The following ADAMTS12 variants were observed in gnomAD, a reference collection of about 807,000 sequenced individuals.
ADAMTS12 encodes the protein A disintegrin and metalloproteinase with thrombospondin motifs 12.
A neutral mutation model predicts 167.8 loss-of-function variants in ADAMTS12; 118 were observed. That is an observed-to-expected ratio of 0.70 (90% CI 0.61 to 0.82). The LOEUF (loss-of-function observed/expected upper bound fraction) is 0.82, where lower values mean the gene tolerates loss of function less well. Among genes scored for constraint, ADAMTS12 ranks in the 40% least tolerant of loss-of-function variants. The pLI, the probability that ADAMTS12 is intolerant of heterozygous loss-of-function variation, is 0.00. For synonymous variants in ADAMTS12, 704 were observed against 716.9 expected (o/e 0.98, Z 0.29); for missense variants, 1,916 against 1,998.8 (o/e 0.96, Z 0.79).
At chr5:33,681,474 CATTT>C (rs1222046807) in intron 5 of ADAMTS12, among the ~76,000 whole-genome samples, 2 of 152,184 alleles carry the variant, frequency 1.3e-5, no homozygotes, top group African/African-American at 4.8e-5. Flanking sequence ...TTCATTCATT[CATTT>C]GTGTCCCAGG....
intron 19 of ADAMTS12, 73 bp downstream of exon 19, chr5:33,575,980 GA>G (rs1430466060): frequency 3.5e-5 from 53 of 1,523,506 alleles, no homozygotes; most frequent in Non-Finnish European, 4.0e-5. Context: ...AACTCATTTT[GA>G]AATTTTCACA....
At chr5:33,530,279 C>T (rs915781851) in intron 23 of ADAMTS12, among the ~76,000 whole-genome samples, 1 of 152,092 alleles carries the variant, frequency 6.6e-6, no homozygotes, top group Non-Finnish European at 1.5e-5. Context: ...TCAGAGAGTA[C>T]ATGTTTTGAC....
intron 16 of ADAMTS12, among the ~76,000 whole-genome samples, chr5:33,611,203 T>C (rs890128736): frequency 2.0e-5 from 3 of 152,328 alleles, no homozygotes; most frequent in African/African-American, 7.2e-5. Context: ...TGTGTATGGC[T>C]ATACATATGC....
chr5:33,779,184 A>ATTTTTTTTTTTTTTT (rs58073487), intron 2 of ADAMTS12, among the ~76,000 whole-genome samples: 1 of 135,498 alleles, frequency 7.4e-6, no homozygotes, highest in African/African-American at 2.7e-5. Flanking sequence ...TGAAATTAGT[A>ATTTTTTTTTTTTTTT]TTTTTTTTTT....
At chr5:33,873,516 A>G (rs1347915609) in intron 2 of ADAMTS12, among the ~76,000 whole-genome samples, 1 of 152,200 alleles carries the variant, frequency 6.6e-6, no homozygotes, top group Admixed American at 6.5e-5. Flanking sequence ...GACTTAATGC[A>G]ATCCCAACCA....
rs910007594 is a variant in ADAMTS12, at chr5:33,810,643, G to A, written c.490-59095C>T. On this transcript the variant is annotated intron_variant, in intron 2 of 23. Transcript: ENST00000504830. ...GATTCTCATGTGAATCCCTGGGATA[G>A]CTGAGAGCCCTAAGAGTTCTGTGAG... Among the ~76,000 whole-genome samples, 12 of 152,286 alleles carry A rather than the reference G, an allele frequency of 7.9e-5. 1 individual carries two copies. The highest frequency in any genetic ancestry group is 1.9e-4 in the East Asian group (1 of 5,178).
chr5:33,749,743 T>C (rs529403760), intron 3 of ADAMTS12, among the ~76,000 whole-genome samples: 5 of 152,206 alleles, frequency 3.3e-5, no homozygotes, highest in Non-Finnish European at 7.4e-5. Flanking sequence ...GTGTTGCATA[T>C]GCCCTAATAG....
chr5:33,826,747 A>G (rs979077672), intron 2 of ADAMTS12, among the ~76,000 whole-genome samples: 3 of 152,154 alleles, frequency 2.0e-5, no homozygotes, highest in Non-Finnish European at 4.4e-5. Flanking sequence ...AACAAGTACC[A>G]AATAAACAAT....
chr5:33,655,102 G>A (rs1741005378), intron 7 of ADAMTS12, among the ~76,000 whole-genome samples: 1 of 151,872 alleles, frequency 6.6e-6, no homozygotes, highest in Admixed American at 6.6e-5. Context: ...CTTAGTAGAC[G>A]GCATATGGAA....
intron 2 of ADAMTS12, among the ~76,000 whole-genome samples, chr5:33,789,143 G>A (rs987081302): frequency 1.3e-5 from 2 of 151,754 alleles, no homozygotes; most frequent in African/African-American, 4.9e-5. Flanking sequence ...CATAGGCTGT[G>A]GACATTGTGT....
Position 33,576,635 on chromosome 5 carries a change from AT to A in ADAMTS12, c.3390del (p.Ser1131LeufsTer10). On this transcript the variant is annotated frameshift_variant, in exon 19 of 24. Coordinates refer to ENST00000504830, the MANE Select transcript of ADAMTS12 (RefSeq NM_030955.4). LOFTEE classifies it high-confidence loss of function. ...VATTTSGSGL[S>X]SSRNPITWPV... ...GGCCAAGTGATAGGGTTGCGGGAAG[AT>A]GACAAGCCAGAACCACTTGTTGTTG... 1 of 1,614,232 alleles carries A rather than the reference AT, an allele frequency of 6.2e-7. No individual in the cohort carries two copies. Among genetic ancestry groups the A allele is most frequent in the South Asian group, 1.1e-5 (1 of 91,084 alleles).
chr5:33,555,229 A>C (rs1009226162), intron 20 of ADAMTS12, among the ~76,000 whole-genome samples: 2 of 152,080 alleles, frequency 1.3e-5, no homozygotes, highest in Middle Eastern at 3.2e-3. Context: ...CTTCCATCAG[A>C]AGAATCACTT....
chr5:33,882,271 G>A (rs942319789), intron 1 of ADAMTS12, among the ~76,000 whole-genome samples: 1 of 152,212 alleles, frequency 6.6e-6, no homozygotes, highest in Admixed American at 6.5e-5. Flanking sequence ...TACAGCATAA[G>A]AGTGTTCCAT....
At chr5:33,803,798 A>T (rs1441656302) in intron 2 of ADAMTS12, among the ~76,000 whole-genome samples, 1 of 152,128 alleles carries the variant, frequency 6.6e-6, no homozygotes, top group African/African-American at 2.4e-5. Context: ...AAAACCATCA[A>T]ATCTCATGAG....
Position 33,576,830 on chromosome 5 carries a change from G to A in ADAMTS12, c.3196C>T (p.Gln1066Ter). The A allele has an allele frequency of 6.2e-7, 1 of 1,614,182 alleles. No homozygotes were observed. Among genetic ancestry groups the A allele is most frequent in the Admixed American group, 1.7e-5 (1 of 60,002 alleles). ...ASKEGDLGGK[Q>*]WQDSSTQPEL... ...GGTTGGGTTGAGCTATCTTGCCACT[G>A]TTTCCCACCCAGGTCTCCTTCTTTG... is the stretch of plus-strand genomic sequence containing the variant. Residue 1066 changes from glutamine (Q) to a stop codon, truncating the protein, a stop_gained, in exon 19 of 24, where the codon CAG (glutamine) becomes TAG (stop). Coordinates refer to ENST00000504830, the MANE Select transcript of ADAMTS12 (RefSeq NM_030955.4). LOFTEE classifies it high-confidence loss of function.
At chr5:33,782,629 G>C (rs1276318126) in intron 2 of ADAMTS12, among the ~76,000 whole-genome samples, 2 of 152,028 alleles carry the variant, frequency 1.3e-5, no homozygotes, top group Non-Finnish European at 2.9e-5. Context: ...AATCATAAAA[G>C]AGCTAGGTTG....
At position 33,546,204 on chromosome 5, in the gene ADAMTS12, T is replaced by A; in HGVS notation, c.4303-2A>T. On this transcript the variant is annotated splice_acceptor_variant, in intron 21 of 23. Coordinates refer to ENST00000504830, the MANE Select transcript of ADAMTS12 (RefSeq NM_030955.4). LOFTEE classifies it high-confidence loss of function. ...TCCACCTCCACAGGACCTGGAGCAC[T>A]GATACACAGCAGTGACAAGATTAGG... 6.2e-7 allele frequency: 1 copy of A among 1,610,264 alleles called. No homozygotes were observed. The highest frequency in any genetic ancestry group is 1.1e-5 in the South Asian group (1 of 90,008).
At position 33,728,329 on chromosome 5, in the gene ADAMTS12, C is replaced by T. The variant is rs114176646; in HGVS notation, c.634+23075G>A. 2.7e-3 allele frequency among the ~76,000 whole-genome samples: 404 copies of T among 152,290 alleles called. 4 individuals carry two copies. The highest frequency in any genetic ancestry group is 9.1e-3 in the African/African-American group (380 of 41,546). The stretch of plus-strand genomic sequence containing the variant: ...AAGAACAGTGTCAGAGCATTGGACA[C>T]GAAAGGGATGCTCTGAGCAAAACCT... On this transcript the variant is annotated intron_variant, in intron 3 of 23. Coordinates refer to ENST00000504830, the MANE Select transcript of ADAMTS12 (RefSeq NM_030955.4).
chr5:33,751,302 G>T, intron 3 of ADAMTS12, 102 bp downstream of exon 3: 1 of 1,408,428 alleles, frequency 7.1e-7, no homozygotes, highest in Non-Finnish European at 9.9e-7. Flanking sequence ...AAAGAATACA[G>T]AGGAGATAAG....
Sources: gnomAD v4.1 joint callset for allele counts (sites outside exome capture counted in the v4.1 genomes callset) on GRCh38, gnomAD v4.1.1 for gene constraint, MANE v1.5 for transcripts, NCBI Gene and HGNC (gene_info 2026-07-23, HGNC 2026-07-21) for gene names.